The following DENND1A variants were observed in gnomAD, a reference collection of about 807,000 sequenced individuals.
DENND1A encodes DENN domain-containing protein 1A.
Under a neutral mutation model 113.7 loss-of-function variants are expected in DENND1A, and 51 were observed. The ratio of observed to expected loss-of-function variants is 0.45; its 90% CI spans 0.36 to 0.57. The LOEUF (loss-of-function observed/expected upper bound fraction) is 0.57. Ranked by LOEUF, DENND1A falls within the 20% of genes least tolerant of loss-of-function variation. DENND1A has a pLI of 0.00. For missense variants in DENND1A, 1,258 were observed against 1,395.9 expected (o/e 0.90, Z 1.57); for synonymous variants, 565 against 570.8 (o/e 0.99, Z 0.14).
At chr9:123,620,416 T>C (rs571910978) in intron 10 of DENND1A, among the ~76,000 whole-genome samples, 1 of 152,142 alleles carries the variant, frequency 6.6e-6, no homozygotes, top group African/African-American at 2.4e-5. Context: ...AGGCTCCTCA[T>C]GTACAGCAAT....
chr9:123,425,257 C>A (rs945200297), intron 19 of DENND1A, among the ~76,000 whole-genome samples: 2 of 152,260 alleles, frequency 1.3e-5, no homozygotes, highest in Non-Finnish European at 2.9e-5. Flanking sequence ...CTGCTCTTGT[C>A]CTGTTGGGCT....
chr9:123,617,562 A>T (rs980819315), intron 10 of DENND1A, among the ~76,000 whole-genome samples: 1 of 152,268 alleles, frequency 6.6e-6, no homozygotes, highest in Non-Finnish European at 1.5e-5. Flanking sequence ...AGTTACAAAG[A>T]TAACACCTGG....
chr9:123,873,953 G>A (rs1847045625), intron 2 of DENND1A, among the ~76,000 whole-genome samples: 1 of 151,960 alleles, frequency 6.6e-6, no homozygotes, highest in African/African-American at 2.4e-5. Context: ...ATGTTGACTA[G>A]GCTGGTCTCG....
At chr9:123,448,997 A>C (rs2047506489) in intron 18 of DENND1A, among the ~76,000 whole-genome samples, 1 of 152,182 alleles carries the variant, frequency 6.6e-6, no homozygotes, top group Non-Finnish European at 1.5e-5. Context: ...CTTTTGGAAA[A>C]CAAAACACTT....
At chr9:123,552,018 C>CGAGAGCGAGAGAGAGAGACAGAGAGAGA (rs2057089001) in intron 13 of DENND1A, among the ~76,000 whole-genome samples, 1 of 118,568 alleles carries the variant, frequency 8.4e-6, no homozygotes, top group Admixed American at 8.2e-5. Flanking sequence ...AGAGCGAGAG[C>CGAGAGCGAGAGAGAGAGACAGAGAGAGA]GAGAGAGAGA....
chr9:123,623,215 T>C (rs528985802), intron 10 of DENND1A, among the ~76,000 whole-genome samples: 4 of 152,298 alleles, frequency 2.6e-5, no homozygotes, highest in African/African-American at 9.6e-5. Flanking sequence ...CCCTGAGCTC[T>C]CAAGGCAACA....
intron 5 of DENND1A, among the ~76,000 whole-genome samples, chr9:123,681,119 C>T (rs1371971505): frequency 6.6e-6 from 1 of 151,984 alleles, no homozygotes; most frequent in African/African-American, 2.4e-5. Flanking sequence ...GAGGGAGTCT[C>T]ATGGGGGAGG....
chr9:123,579,556 G>C (rs2058787899), intron 12 of DENND1A, among the ~76,000 whole-genome samples: 1 of 152,142 alleles, frequency 6.6e-6, no homozygotes, highest in African/African-American at 2.4e-5. Context: ...GAGTCTGCTG[G>C]TAATAATGCA....
chr9:123,466,722 T>A (rs535311799), intron 13 of DENND1A, among the ~76,000 whole-genome samples: 1 of 152,322 alleles, frequency 6.6e-6, no homozygotes, highest in Non-Finnish European at 1.5e-5. Context: ...GATAAATGGT[T>A]GGCTAAGTAC....
At chr9:123,735,459 T>C (rs1217768419) in intron 5 of DENND1A, among the ~76,000 whole-genome samples, 1 of 152,196 alleles carries the variant, frequency 6.6e-6, no homozygotes, top group African/African-American at 2.4e-5. Flanking sequence ...TCACACTCTC[T>C]GCACTCACTT....
intron 9 of DENND1A, among the ~76,000 whole-genome samples, chr9:123,644,586 G>A (rs1402483450): frequency 3.3e-5 from 5 of 152,062 alleles, no homozygotes; most frequent in African/African-American, 9.7e-5. Context: ...GACAGTTCCC[G>A]CACAAGGGAC....
intron 10 of DENND1A, among the ~76,000 whole-genome samples, chr9:123,619,299 T>C (rs2060820763): frequency 6.6e-6 from 1 of 152,244 alleles, no homozygotes; most frequent in Non-Finnish European, 1.5e-5. Context: ...ATATAGACTG[T>C]ATTAAAAATC....
intron 19 of DENND1A, chr9:123,413,759 G>A (rs561417266): frequency 2.0e-6 from 2 of 985,522 alleles, no homozygotes; most frequent in African/African-American, 3.5e-5. Flanking sequence ...GCTGCCTAGG[G>A]ATGGGCAAGG....
chr9:123,754,205 G>A (rs950408623), intron 5 of DENND1A, among the ~76,000 whole-genome samples: 1 of 152,148 alleles, frequency 6.6e-6, no homozygotes, highest in Non-Finnish European at 1.5e-5. Context: ...CAGCAGAAGA[G>A]GACAATACAA....
chr9:123,381,343 GGC>G lies in DENND1A; in HGVS notation c.*87_*88del, dbSNP rs1308019986. Reference sequence around the variant, plus strand: ...CATCCCTTCCCACCAGCAGAACCTGGGCAGAGAGAGAGTGGCGGGGGAGCCTC... The same window carrying G: ...CATCCCTTCCCACCAGCAGAACCTGGAGAGAGAGAGTGGCGGGGGAGCCTC... On this transcript the variant is annotated 3_prime_UTR_variant, in exon 24 of 24. Coordinates refer to ENST00000394215, the MANE Select transcript of DENND1A (RefSeq NM_001352964.2). The surrounding 1 kb of genome is among the most constrained non-coding windows in gnomAD (Gnocchi z 4.7). 9 of 1,329,280 alleles carry G rather than the reference GGC, an allele frequency of 6.8e-6. No homozygotes were observed. The highest frequency in any genetic ancestry group is 8.4e-6 in the Non-Finnish European group (8 of 951,252). 82.3% of individuals were successfully genotyped at this position (1,329,280 alleles called of 1,614,324 possible).
chr9:123,485,621 T>TGTGTGTGTGTGCGCCCGC (rs1363296323), intron 13 of DENND1A: 1 of 146,688 alleles, frequency 6.8e-6, no homozygotes, highest in Admixed American at 6.7e-5. Flanking sequence ...GGGGACACCG[T>TGTGTGTGTGTGCGCCCGC]GTGTGTGTGT....
At chr9:123,402,260 A>G (rs45480399) in intron 21 of DENND1A, among the ~76,000 whole-genome samples, 16,838 of 151,782 alleles carry the variant, frequency 0.11, 1,097 homozygotes, top group Admixed American at 0.17. Context: ...ACACACACAC[A>G]CACGCACGCA....
At chr9:123,479,335 A>T (rs2050154827) in intron 13 of DENND1A, among the ~76,000 whole-genome samples, 1 of 152,024 alleles carries the variant, frequency 6.6e-6, no homozygotes, top group African/African-American at 2.4e-5. Context: ...TCCCAGGATC[A>T]CTCCTGAACT....
intron 13 of DENND1A, among the ~76,000 whole-genome samples, chr9:123,545,655 G>C (rs1275543714): frequency 1.3e-5 from 2 of 152,014 alleles, no homozygotes; most frequent in African/African-American, 4.8e-5. Context: ...TTTTAGTAGA[G>C]ACGGGGTTTC....
Sources: gnomAD v4.1 joint callset for allele counts (sites outside exome capture counted in the v4.1 genomes callset) on GRCh38, gnomAD v4.1.1 for gene constraint, Gnocchi (gnomAD v3.1) non-coding constraint, MANE v1.5 for transcripts, NCBI Gene and HGNC (gene_info 2026-07-23, HGNC 2026-07-21) for gene names.